The following OXSR1 variants were observed in gnomAD, a reference collection of about 807,000 sequenced individuals.
OXSR1 encodes oxidative stress responsive kinase 1, also known as serine/threonine-protein kinase OSR1.
A neutral mutation model predicts 79.8 loss-of-function variants in OXSR1; 24 were observed. The ratio of observed to expected loss-of-function variants is 0.30; its 90% CI spans 0.22 to 0.42. The LOEUF (loss-of-function observed/expected upper bound fraction) is 0.42. Among genes scored for constraint, OXSR1 ranks in the 10% least tolerant of loss-of-function variants. OXSR1 has a pLI of 1.00. For synonymous variants in OXSR1, 226 were observed against 209.2 expected (o/e 1.08, Z -0.69); for missense variants, 430 against 618.4 (o/e 0.70, Z 3.23).
chr3:38,175,610 C>T (rs1701662803), intron 1 of OXSR1, among the ~76,000 whole-genome samples: 1 of 152,176 alleles, frequency 6.6e-6, no homozygotes. Context: ...CCTACGTTCT[C>T]TCTCTTAAAT....
rs769657268 is a variant in OXSR1, at chr3:38,165,826, A to T, written c.-51A>T. 107 of 1,501,432 alleles carry T rather than the reference A, an allele frequency of 7.1e-5. No homozygotes were observed. The East Asian group carries it at 2.2e-3, about 32-fold the overall frequency. 93.0% of individuals were successfully genotyped at this position (1,501,432 alleles called of 1,614,324 possible). A position where few individuals can be genotyped will look rare whatever the true frequency, so the allele number is the denominator to read the frequency against. ...GGGTGGGGAGACGCGCGGCGAGGAGACGAGCGAGGTCAGCGAGTTTGAGGG... is the reference window on the plus strand; with the variant it reads ...GGGTGGGGAGACGCGCGGCGAGGAGTCGAGCGAGGTCAGCGAGTTTGAGGG... On this transcript the variant is annotated 5_prime_UTR_variant, in exon 1 of 18. Coordinates refer to ENST00000311806, the MANE Select transcript of OXSR1 (RefSeq NM_005109.3).
chr3:38,167,760 C>G (rs1258245404), intron 1 of OXSR1, among the ~76,000 whole-genome samples: 3 of 152,140 alleles, frequency 2.0e-5, no homozygotes, highest in Non-Finnish European at 2.9e-5. Flanking sequence ...ACAGCTAGTT[C>G]CCGGTCTGGA....
chr3:38,172,770 GTGT>G (rs1389082200), intron 1 of OXSR1, among the ~76,000 whole-genome samples: 13 of 152,332 alleles, frequency 8.5e-5, no homozygotes, highest in African/African-American at 2.9e-4. Context: ...CAACCTCATA[GTGT>G]TGTATCAAAT....
chr3:38,206,571 C>A (rs551018072), intron 4 of OXSR1, among the ~76,000 whole-genome samples: 2 of 150,544 alleles, frequency 1.3e-5, no homozygotes, highest in African/African-American at 4.9e-5. Flanking sequence ...TTTTGCTATT[C>A]GCTATAGAAA....
chr3:38,167,853 G>A (rs868742239), intron 1 of OXSR1, among the ~76,000 whole-genome samples: 1 of 151,578 alleles, frequency 6.6e-6, no homozygotes, highest in Admixed American at 6.6e-5. Context: ...TGTCAGAGAA[G>A]TAAAGAGGAG....
Position 38,224,508 on chromosome 3 carries a change from G to A in OXSR1, c.703-63G>A, listed in dbSNP as rs990355861. 4.4e-6 allele frequency: 6 copies of A among 1,351,798 alleles called. No individual in the cohort carries two copies. In the Admixed American group the frequency reaches 7.7e-5, roughly 17 times the overall value. 83.7% of individuals were successfully genotyped at this position (1,351,798 alleles called of 1,614,324 possible). A position where few individuals can be genotyped will look rare whatever the true frequency, so the allele number is the denominator to read the frequency against. ...GGGGGTGCCTGTATTGAAAAATCTT[G>A]ACCACAATAGTTAAACTTTACTGAG... is the stretch of plus-strand genomic sequence containing the variant. On this transcript the variant is annotated intron_variant, in intron 7 of 17. Coordinates refer to ENST00000311806, the MANE Select transcript of OXSR1 (RefSeq NM_005109.3).
intron 11 of OXSR1, among the ~76,000 whole-genome samples, chr3:38,241,537 C>T (rs1295677290): frequency 1.3e-5 from 2 of 151,780 alleles, no homozygotes; most frequent in South Asian, 2.1e-4. Context: ...AGGAAATGTA[C>T]ACTCTGATTA....
intron 10 of OXSR1, among the ~76,000 whole-genome samples, chr3:38,233,889 G>A (rs1559523676): frequency 6.6e-6 from 1 of 152,030 alleles, no homozygotes. Flanking sequence ...TTCAGCCTGG[G>A]TGACAGAGCA....
intron 10 of OXSR1, among the ~76,000 whole-genome samples, chr3:38,234,284 A>G (rs1300968702): frequency 6.6e-6 from 1 of 152,244 alleles, no homozygotes; most frequent in Non-Finnish European, 1.5e-5. Context: ...TTTGTGCTTC[A>G]ATAGACGCTG....
At chr3:38,222,916 G>A (rs927171862) in intron 6 of OXSR1, among the ~76,000 whole-genome samples, 2 of 152,036 alleles carry the variant, frequency 1.3e-5, no homozygotes, top group Non-Finnish European at 2.9e-5. Flanking sequence ...TATCACAAAT[G>A]TTTTTTATAT....
chr3:38,240,316 G>A (rs1345764519), intron 11 of OXSR1, among the ~76,000 whole-genome samples: 6 of 152,030 alleles, frequency 3.9e-5, no homozygotes, highest in Non-Finnish European at 1.5e-5. Context: ...ATGTTCTTGG[G>A]AGCCAAGATT....
chr3:38,249,773 GT>G (rs941682536), intron 14 of OXSR1, among the ~76,000 whole-genome samples, 192 bp from the exon 15 acceptor site: 3 of 152,150 alleles, frequency 2.0e-5, no homozygotes, highest in Non-Finnish European at 4.4e-5. Flanking sequence ...TCAAAGGGTT[GT>G]AGGACAATTA....
chr3:38,212,316 T>A (rs1176561407), intron 4 of OXSR1, among the ~76,000 whole-genome samples: 4 of 152,246 alleles, frequency 2.6e-5, no homozygotes, highest in Non-Finnish European at 5.9e-5. Context: ...TGGATTTGTA[T>A]GTCAGCCTAG....
chr3:38,222,516 C>T (rs189182188), intron 6 of OXSR1, among the ~76,000 whole-genome samples: 3 of 152,220 alleles, frequency 2.0e-5, no homozygotes, highest in East Asian at 1.9e-4. Context: ...CTGCTTAGGT[C>T]TCTAGAGGCC....
At chr3:38,168,399 C>T (rs886371574) in intron 1 of OXSR1, among the ~76,000 whole-genome samples, 3 of 152,100 alleles carry the variant, frequency 2.0e-5, no homozygotes, top group Non-Finnish European at 4.4e-5. Flanking sequence ...TACTTTTTGT[C>T]TCTATGGACT....
At chr3:38,209,753 A>G (rs961031273) in intron 4 of OXSR1, among the ~76,000 whole-genome samples, 4 of 150,858 alleles carry the variant, frequency 2.7e-5, no homozygotes, top group African/African-American at 9.8e-5. Context: ...CCTCCCGAGT[A>G]GCTGGGACTA....
At chr3:38,218,374 A>G (rs1164621072) in intron 5 of OXSR1, among the ~76,000 whole-genome samples, 2 of 152,026 alleles carry the variant, frequency 1.3e-5, no homozygotes, top group Non-Finnish European at 2.9e-5. Flanking sequence ...GTAAGGTGTT[A>G]TCTATCTCAT....
intron 3 of OXSR1, among the ~76,000 whole-genome samples, chr3:38,194,421 G>A (rs2125816825): frequency 6.6e-6 from 1 of 152,242 alleles, no homozygotes; most frequent in South Asian, 2.1e-4. Flanking sequence ...GCTCGTACAT[G>A]TAGCCCTGGC....
At chr3:38,230,585 A>G in intron 10 of OXSR1, 155 bp downstream of exon 10, 2 of 600,194 alleles carry the variant, frequency 3.3e-6, no homozygotes, top group South Asian at 3.9e-5. Context: ...TTCAGCAAAT[A>G]TCTTTGGTCT....
Sources: allele counts gnomAD v4.1 joint callset (sites outside exome capture counted in the v4.1 genomes callset), GRCh38; gene constraint gnomAD v4.1.1; transcripts MANE v1.5; gene names NCBI Gene and HGNC (gene_info 2026-07-23, HGNC 2026-07-21).